EFHB: variants seen among roughly 807,000 people sequenced by gnomAD.
The protein encoded by EFHB is EF-hand domain-containing family member B.
In EFHB, 91 loss-of-function variants were observed where a neutral mutation model predicts 87.2. That is an observed-to-expected ratio of 1.04 (90% confidence interval 0.88 to 1.24). The LOEUF is 1.24. Ranked by LOEUF, EFHB falls within the 50% of genes most tolerant of loss-of-function variation. The pLI is 0.00. For missense variants in EFHB, 1,084 were observed against 998.8 expected (o/e 1.09, Z -1.15); for synonymous variants, 325 against 333.6 (o/e 0.97, Z 0.28).
intron 1 of EFHB, among the ~76,000 whole-genome samples, chr3:19,928,116 G>A (rs1443765165): frequency 6.6e-6 from 1 of 151,674 alleles, no homozygotes; most frequent in Non-Finnish European, 1.5e-5. Context: ...AATTTACAGA[G>A]AACCACAAAT....
intron 1 of EFHB, 63 bp downstream of exon 1, chr3:19,933,167 T>A (rs577962650): frequency 6.7e-7 from 1 of 1,484,694 alleles, no homozygotes; most frequent in East Asian, 2.4e-5. Flanking sequence ...TATCACTTTA[T>A]CATCTCAATA....
Position 19,879,714 on chromosome 3 carries a change from C to T in EFHB, c.2419G>A (p.Gly807Arg). 3.7e-6 allele frequency: 6 copies of T among 1,610,812 alleles called. No homozygotes were observed. The highest frequency in any genetic ancestry group is 5.1e-6 in the Non-Finnish European group (6 of 1,179,128). The change falls in exon 13 of 13, where the codon GGA (glycine) becomes AGA (arginine). Residue 807 changes from glycine (G) to arginine (R), a missense_variant. Physicochemically the swap from Gly to Arg is moderately radical, Grantham distance 125 (BLOSUM62 -2). Transcript: ENST00000295824. The part of the protein sequence containing the change: ...WNLASKKHHR[G>R]EVCVENIRNV... ...CTGATGTTCTCAACACAAACTTCTC[C>T]TCTGTGATGCTTTTTTGATGCAAGA...
intron 8 of EFHB, among the ~76,000 whole-genome samples, chr3:19,898,126 G>A (rs1237934312): frequency 6.6e-6 from 1 of 152,060 alleles, no homozygotes; most frequent in Non-Finnish European, 1.5e-5. Context: ...TTTTCCCTTT[G>A]GATATCTGCT....
intron 8 of EFHB, among the ~76,000 whole-genome samples, chr3:19,897,432 G>C (rs1371707325): frequency 1.3e-5 from 2 of 152,072 alleles, no homozygotes; most frequent in Non-Finnish European, 2.9e-5. Flanking sequence ...CCCAACTAGA[G>C]TTGACCATGC....
chr3:19,886,331 G>A (rs1277457489), intron 10 of EFHB, among the ~76,000 whole-genome samples: 1 of 152,190 alleles, frequency 6.6e-6, no homozygotes, highest in African/African-American at 2.4e-5. Flanking sequence ...AGAAAGGCAT[G>A]ACCCAAGAAT....
Position 19,919,894 on chromosome 3 carries a change from GCT to G in EFHB, c.933_934del (p.Arg311SerfsTer3). ...ATAAGGTGCAATCTGGGGATCATTT[GCT>G]CTTCCGTAAAATACTCTTTCTACTC... is the stretch of plus-strand genomic sequence containing the variant. On this transcript the variant is annotated frameshift_variant, in exon 3 of 13. Transcript: ENST00000295824. LOFTEE classifies it high-confidence loss of function. 1.7e-5 allele frequency: 27 copies of G among 1,613,686 alleles called. No homozygotes were observed. The highest frequency in any genetic ancestry group is 2.2e-5 in the Non-Finnish European group (26 of 1,179,710).
chr3:19,891,141 A>T (rs951026475), intron 9 of EFHB, among the ~76,000 whole-genome samples: 1 of 152,116 alleles, frequency 6.6e-6, no homozygotes, highest in African/African-American at 2.4e-5. Context: ...ATCATAGTTC[A>T]CTGCAGCCTC....
chr3:19,909,832 G>A (rs974734044), intron 5 of EFHB, among the ~76,000 whole-genome samples: 3 of 152,024 alleles, frequency 2.0e-5, no homozygotes, highest in African/African-American at 4.8e-5. Flanking sequence ...AGACACATCC[G>A]GGGCCAAAAG....
At chr3:19,902,156 A>C (rs1344016682) in intron 6 of EFHB, among the ~76,000 whole-genome samples, 1 of 152,178 alleles carries the variant, frequency 6.6e-6, no homozygotes, top group East Asian at 1.9e-4. Context: ...CTTGAGTTGC[A>C]TTCACGAACC....
At chr3:19,891,651 T>C (rs1300034706) in intron 9 of EFHB, among the ~76,000 whole-genome samples, 1 of 152,174 alleles carries the variant, frequency 6.6e-6, no homozygotes, top group African/African-American at 2.4e-5. Context: ...AATAGCAGAT[T>C]AAAGACACCC....
chr3:19,939,574 T>C (rs909285931), intron 1 of EFHB, among the ~76,000 whole-genome samples: 1 of 151,660 alleles, frequency 6.6e-6, no homozygotes, highest in Non-Finnish European at 1.5e-5. Flanking sequence ...TTAGTAGCGA[T>C]GGGGTTTCAC....
intron 8 of EFHB, among the ~76,000 whole-genome samples, chr3:19,898,491 G>C (rs1228453665): frequency 6.6e-6 from 1 of 152,046 alleles, no homozygotes. Context: ...CTTCACTTTG[G>C]CTTGTTTAAT....
intron 6 of EFHB, among the ~76,000 whole-genome samples, chr3:19,904,204 G>A (rs17006349): frequency 0.054 from 8,165 of 152,178 alleles, 657 homozygotes; most frequent in African/African-American, 0.18. Flanking sequence ...ATATGAATGC[G>A]AGGCCCATGC....
upstream of EFHB, among the ~76,000 whole-genome samples, chr3:19,935,760 C>A (rs979747077): frequency 1.3e-5 from 2 of 151,614 alleles, no homozygotes; most frequent in African/African-American, 4.8e-5. Context: ...GCCTGTAATC[C>A]CGGCACTTTG....
chr3:19,919,908 T>C lies in EFHB; in HGVS notation c.921A>G (p.Val307=), dbSNP rs779624874. The change falls in exon 3 of 13, where the codon GTA becomes GTG. Residue 307 remains valine, a synonymous_variant. Transcript: ENST00000295824. The part of the protein sequence containing the change: ...FRYPPAGVER[V]FYGRANDPQI... ...GGGGATCATTTGCTCTTCCGTAAAA[T>C]ACTCTTTCTACTCCAGCAGGTGGAT... The C allele has an allele frequency of 5.9e-5, 96 of 1,613,688 alleles. No individual in the cohort carries two copies. The highest frequency in any genetic ancestry group is 8.0e-5 in the Non-Finnish European group (94 of 1,179,774).
chr3:19,910,650 C>G (rs912527015), intron 5 of EFHB, among the ~76,000 whole-genome samples: 3 of 152,140 alleles, frequency 2.0e-5, no homozygotes, highest in African/African-American at 4.8e-5. Flanking sequence ...TTGGGTGAGA[C>G]CAAATGCTAC....
At chr3:19,929,652 C>T (rs1368619697) in intron 1 of EFHB, among the ~76,000 whole-genome samples, 2 of 135,878 alleles carry the variant, frequency 1.5e-5, no homozygotes, top group African/African-American at 5.6e-5. Flanking sequence ...GAGATTGCAG[C>T]GAGCCGAGAT....
At chr3:19,940,098 T>TC (rs1251795048) in intron 1 of EFHB, among the ~76,000 whole-genome samples, 1 of 152,230 alleles carries the variant, frequency 6.6e-6, no homozygotes, top group Non-Finnish European at 1.5e-5. Flanking sequence ...TCTATGTACT[T>TC]CTTTTTTTAT....
At chr3:19,941,181 A>T (rs974672344) in intron 1 of EFHB, 3 of 374,846 alleles carry the variant, frequency 8.0e-6, no homozygotes, top group African/African-American at 6.5e-5. Flanking sequence ...CCAGGAAAAT[A>T]TCATGAATCT....
Sources: allele counts gnomAD v4.1 joint callset (sites outside exome capture counted in the v4.1 genomes callset), GRCh38; gene constraint gnomAD v4.1.1; transcripts MANE v1.5; gene names NCBI Gene and HGNC (gene_info 2026-07-23, HGNC 2026-07-21).